Variants in XRCC4 observed in about 807,000 individuals in gnomAD.
XRCC4 encodes the protein X-ray repair cross complementing 4, also known as DNA repair protein XRCC4.
Under a neutral mutation model 39.1 loss-of-function variants are expected in XRCC4, and 28 were observed. That is an observed-to-expected ratio of 0.72 (90% CI 0.53 to 0.98). The LOEUF is 0.98. Ranked by LOEUF, XRCC4 falls within the 50% of genes least tolerant of loss-of-function variation. The probability of loss-of-function intolerance (pLI) is 0.00; values close to 1 mark genes in which losing one functional copy is unlikely to be tolerated. For synonymous variants in XRCC4, 123 were observed against 126.4 expected, an observed-to-expected ratio of 0.97 and a Z score of 0.18; for missense variants, 350 against 376.4, an observed-to-expected ratio of 0.93 and a Z score of 0.58.
At chr5:83,346,399 G>C (rs1756918291) in intron 7 of XRCC4, among the ~76,000 whole-genome samples, 1 of 152,042 alleles carries the variant, frequency 6.6e-6, no homozygotes. Context: ...ATCCCCTATT[G>C]AACCACGTTG....
At chr5:83,260,076 A>G (rs1753697295) in intron 7 of XRCC4, among the ~76,000 whole-genome samples, 1 of 152,034 alleles carries the variant, frequency 6.6e-6, no homozygotes, top group African/African-American at 2.4e-5. Context: ...TGTATCCCTA[A>G]TGTCTTCAGA....
the XRCC4 span, among the ~76,000 whole-genome samples, chr5:83,363,157 A>G: frequency 1.3e-5 from 2 of 152,174 alleles, no homozygotes; most frequent in Non-Finnish European, 2.9e-5. Context: ...AGAAGCGGCC[A>G]TGCCCAAGGA....
chr5:83,099,825 C>T (rs1745843331), intron 1 of XRCC4, among the ~76,000 whole-genome samples: 1 of 152,132 alleles, frequency 6.6e-6, no homozygotes, highest in Non-Finnish European at 1.5e-5. Context: ...GAAGAGGATT[C>T]CACCCCGTTT....
chr5:83,175,845 G>T (rs966118844), intron 3 of XRCC4, among the ~76,000 whole-genome samples: 6 of 152,192 alleles, frequency 3.9e-5, no homozygotes, highest in Admixed American at 2.6e-4. Context: ...CTGATCTCAG[G>T]TGATCTGCCT....
intron 6 of XRCC4, among the ~76,000 whole-genome samples, chr5:83,239,420 GAGA>G (rs753123346): frequency 6.6e-6 from 1 of 152,230 alleles, no homozygotes; most frequent in African/African-American, 2.4e-5. Flanking sequence ...GTGATTTACA[GAGA>G]AGATTATGCT....
rs189688963 is a variant in XRCC4, at chr5:83,106,275, A to G, written c.139+1217A>G. ...GTGTATAAGGCTAAAGACAAGGGCA[A>G]TAGATTAATGCTGGTCATCTGGGTA... On this transcript the variant is annotated intron_variant, in intron 2 of 7. Coordinates refer to ENST00000396027, the MANE Select transcript of XRCC4 (RefSeq NM_003401.5). 5.3e-5 allele frequency among the ~76,000 whole-genome samples: 8 copies of G among 152,258 alleles called. No individual in the cohort carries two copies. The East Asian group carries it at 9.6e-4, about 18-fold the overall frequency.
chr5:83,281,678 C>T (rs556217345), intron 7 of XRCC4, among the ~76,000 whole-genome samples: 1 of 152,136 alleles, frequency 6.6e-6, no homozygotes, highest in Non-Finnish European at 1.5e-5. Context: ...GTTTTACCCC[C>T]TTATGTAACT....
intron 7 of XRCC4, among the ~76,000 whole-genome samples, chr5:83,302,109 A>G (rs1220451936): frequency 6.6e-6 from 1 of 152,152 alleles, no homozygotes; most frequent in Non-Finnish European, 1.5e-5. Flanking sequence ...TTCTGGCAGC[A>G]AGAATTTCAA....
intron 7 of XRCC4, among the ~76,000 whole-genome samples, chr5:83,329,763 T>C (rs1756380535): frequency 6.6e-6 from 1 of 152,056 alleles, no homozygotes; most frequent in Non-Finnish European, 1.5e-5. Context: ...TTAAGTACAT[T>C]CCATTAAATT....
intron 1 of XRCC4, among the ~76,000 whole-genome samples, chr5:83,097,571 G>C (rs1234524662): frequency 6.6e-6 from 1 of 151,440 alleles, no homozygotes; most frequent in East Asian, 1.9e-4. Flanking sequence ...AAGTAGAAAA[G>C]ACTGTATATA....
intron 7 of XRCC4, among the ~76,000 whole-genome samples, chr5:83,293,798 G>GTGTT (rs1310109449): frequency 6.6e-6 from 1 of 151,960 alleles, no homozygotes; most frequent in African/African-American, 2.4e-5. Context: ...GAATGAATGT[G>GTGTT]TGTTTATGTC....
At chr5:83,321,582 C>A (rs1210067824) in intron 7 of XRCC4, among the ~76,000 whole-genome samples, 1 of 152,046 alleles carries the variant, frequency 6.6e-6, no homozygotes, top group African/African-American at 2.4e-5. Flanking sequence ...CTTTATTTTT[C>A]AAATTATTGT....
intron 4 of XRCC4, among the ~76,000 whole-genome samples, chr5:83,202,297 T>C (rs560634435): frequency 3.9e-5 from 6 of 152,330 alleles, no homozygotes; most frequent in Admixed American, 2.6e-4. Context: ...ATCTGTCGAA[T>C]GCTAAACACT....
At chr5:83,224,424 T>C (rs1005729463) in intron 6 of XRCC4, among the ~76,000 whole-genome samples, 1 of 152,166 alleles carries the variant, frequency 6.6e-6, no homozygotes. Context: ...ATATGTTTTA[T>C]GTTTTTGATG....
chr5:83,265,568 A>G (rs1266001607), intron 7 of XRCC4, among the ~76,000 whole-genome samples: 1 of 152,176 alleles, frequency 6.6e-6, no homozygotes, highest in African/African-American at 2.4e-5. Context: ...TGTGACCCAA[A>G]ATAATTCAAT....
chr5:83,109,544 A>G (rs1468342769), intron 2 of XRCC4, among the ~76,000 whole-genome samples: 1 of 151,998 alleles, frequency 6.6e-6, no homozygotes, highest in Non-Finnish European at 1.5e-5. Context: ...ACAGGAAACC[A>G]TCCAACCACA....
intron 1 of XRCC4, among the ~76,000 whole-genome samples, chr5:83,078,392 A>G (rs1204852128): frequency 6.6e-6 from 1 of 152,184 alleles, no homozygotes; most frequent in Admixed American, 6.5e-5. Flanking sequence ...TTTGGTTCTA[A>G]ATGTGTGGTG....
At chr5:83,115,454 A>C (rs1017870183) in intron 3 of XRCC4, among the ~76,000 whole-genome samples, 1 of 147,190 alleles carries the variant, frequency 6.8e-6, no homozygotes, top group African/African-American at 2.5e-5. Flanking sequence ...AACAAACAAA[A>C]AAACAAGATG....
At chr5:83,170,515 C>T (rs903110135) in intron 3 of XRCC4, among the ~76,000 whole-genome samples, 1 of 152,116 alleles carries the variant, frequency 6.6e-6, no homozygotes, top group Non-Finnish European at 1.5e-5. Flanking sequence ...TGTGGGGCTC[C>T]GGTTCTCTTC....
Sources: gnomAD v4.1 joint callset for allele counts (sites outside exome capture counted in the v4.1 genomes callset) on GRCh38, gnomAD v4.1.1 for gene constraint, MANE v1.5 for transcripts, NCBI Gene and HGNC (gene_info 2026-07-23, HGNC 2026-07-21) for gene names.